PTPRN2: variants seen among roughly 807,000 people sequenced by gnomAD.
PTPRN2 encodes receptor-type tyrosine-protein phosphatase N2.
Under a neutral mutation model 118.8 loss-of-function variants are expected in PTPRN2, and 74 were observed. The ratio of observed to expected loss-of-function variants is 0.62; its 90% CI spans 0.52 to 0.76. PTPRN2 has a LOEUF of 0.76. Among genes scored for constraint, PTPRN2 ranks in the 30% least tolerant of loss-of-function variants. The pLI, the probability that PTPRN2 is intolerant of heterozygous loss-of-function variation, is 0.00. For synonymous variants in PTPRN2, 641 were observed against 608.0 expected (o/e 1.05, Z -0.80); for missense variants, 1,481 against 1,394.4 (o/e 1.06, Z -0.99).
chr7:158,486,450 C>A (rs770256164), intron 2 of PTPRN2, among the ~76,000 whole-genome samples: 3 of 152,214 alleles, frequency 2.0e-5, no homozygotes, highest in East Asian at 3.8e-4. Context: ...TTTAAAAATT[C>A]TTTGAAACCT....
intron 1 of PTPRN2, among the ~76,000 whole-genome samples, chr7:158,515,927 T>C (rs976726450): frequency 6.6e-6 from 1 of 152,204 alleles, no homozygotes; most frequent in African/African-American, 2.4e-5. Context: ...TAGTCCAGTC[T>C]TTCTGGACGT....
chr7:157,736,945 C>T (rs1223066592), intron 12 of PTPRN2, among the ~76,000 whole-genome samples: 1 of 152,102 alleles, frequency 6.6e-6, no homozygotes, highest in Non-Finnish European at 1.5e-5. Context: ...ATGGGGATGA[C>T]ATTTTTAAAG....
intron 12 of PTPRN2, among the ~76,000 whole-genome samples, chr7:157,691,865 C>T (rs544145786): frequency 6.6e-6 from 1 of 152,176 alleles, no homozygotes; most frequent in Non-Finnish European, 1.5e-5. Flanking sequence ...GCACCTCCCC[C>T]CCGCGCCTCC....
rs1182086996 is a variant in PTPRN2, at chr7:158,008,061, TGTGTGGGTGTGCTGTGTGTGG to T, written c.1723+73216_1723+73236del. Among the ~76,000 whole-genome samples, 18 of 137,706 alleles carry T rather than the reference TGTGTGGGTGTGCTGTGTGTGG, an allele frequency of 1.3e-4. 1 individual carries two copies. Among genetic ancestry groups the T allele is most frequent in the Middle Eastern group, 3.8e-3 (1 of 266 alleles). The allele number at this position is 137,706 out of a possible 152,430, so 90.3% of individuals were successfully genotyped here. A position where few individuals can be genotyped will look rare whatever the true frequency, so the allele number is the denominator to read the frequency against. ...TGTGGGTGTGTGTGGAGGTGTGCTG[TGTGTGGGTGTGCTGTGTGTGG>T]GTGTGGGTGTGCTGTGTGTGGGGGT... On this transcript the variant is annotated intron_variant, in intron 11 of 22. Coordinates refer to ENST00000389418, the MANE Select transcript of PTPRN2 (RefSeq NM_002847.5).
intron 12 of PTPRN2, among the ~76,000 whole-genome samples, chr7:157,724,461 C>A (rs1273197644): frequency 6.6e-6 from 1 of 152,132 alleles, no homozygotes; most frequent in Non-Finnish European, 1.5e-5. Context: ...GTATTCAGTT[C>A]TCAGATAAAC....
rs555345811 is a variant in PTPRN2 at position 158,211,046 on chromosome 7, C to T, written c.278-5773G>A. Among the ~76,000 whole-genome samples, 9 of 152,204 alleles carry T rather than the reference C, an allele frequency of 5.9e-5. No individual in the cohort carries two copies. In the South Asian group the frequency reaches 1.9e-3, roughly 32 times the overall value. ...CCCTGATGAATATTGATGCAAAAAT[C>T]GTCAACAATCGTCAACTGTCCTGGG... On this transcript the variant is annotated intron_variant, in intron 3 of 22. Transcript: ENST00000389418.
At chr7:158,065,712 A>G (rs1810721652) in intron 11 of PTPRN2, among the ~76,000 whole-genome samples, 1 of 152,212 alleles carries the variant, frequency 6.6e-6, no homozygotes, top group Admixed American at 6.5e-5. Flanking sequence ...TCATTTTCAG[A>G]ACAGTAAAGT....
rs1409110646 is a variant in PTPRN2 at position 157,792,832 on chromosome 7, A to G, written c.1788+105841T>C. On this transcript the variant is annotated intron_variant, in intron 12 of 22. Transcript: ENST00000389418. ...TTCTTATTCATGAGCTGTACGTTCT[A>G]CAGCGTGGCTGGTCATTTAATGTGT... Among the ~76,000 whole-genome samples, 8 of 152,234 alleles carry G rather than the reference A, an allele frequency of 5.3e-5. No individual in the cohort carries two copies. In the South Asian group the frequency reaches 1.5e-3, roughly 28 times the overall value.
At chr7:158,305,956 C>G (rs190257178) in intron 3 of PTPRN2, among the ~76,000 whole-genome samples, 6 of 152,282 alleles carry the variant, frequency 3.9e-5, no homozygotes. Context: ...AAACCAACAG[C>G]CTGGAAGCCA....
intron 14 of PTPRN2, among the ~76,000 whole-genome samples, chr7:157,624,656 C>G (rs759858289): frequency 6.6e-6 from 1 of 152,190 alleles, no homozygotes; most frequent in African/African-American, 2.4e-5. Context: ...CTATTTAATG[C>G]GTGTTGCTTC....
intron 2 of PTPRN2, among the ~76,000 whole-genome samples, chr7:158,462,602 A>G (rs1419078719): frequency 6.6e-6 from 1 of 152,156 alleles, no homozygotes; most frequent in Non-Finnish European, 1.5e-5. Context: ...CTGCCTTAAA[A>G]CTAAGACAAA....
chr7:157,743,106 G>A (rs1336424568), intron 12 of PTPRN2, among the ~76,000 whole-genome samples: 1 of 152,146 alleles, frequency 6.6e-6, no homozygotes, highest in Non-Finnish European at 1.5e-5. Flanking sequence ...TGTAATGAAC[G>A]GACCACTCAC....
intron 1 of PTPRN2, among the ~76,000 whole-genome samples, chr7:158,537,214 G>A (rs866033698): frequency 6.9e-6 from 1 of 144,350 alleles, no homozygotes; most frequent in East Asian, 2.3e-4. Context: ...TAAGCCCGAG[G>A]CTGCAGCATA....
rs1008283097 is a variant in PTPRN2, at chr7:158,393,023, C to T, written c.164-76091G>A. Reference sequence around the variant, plus strand: ...CCACAGAGAGAAAGGGCTGCACAGGCCCAGCTGCCCAGGCCCCTGTGCCTG... The same window carrying T: ...CCACAGAGAGAAAGGGCTGCACAGGTCCAGCTGCCCAGGCCCCTGTGCCTG... On this transcript the variant is annotated intron_variant, in intron 2 of 22. Coordinates refer to ENST00000389418, the MANE Select transcript of PTPRN2 (RefSeq NM_002847.5). Among the ~76,000 whole-genome samples, 68 of 152,142 alleles carry T rather than the reference C, an allele frequency of 4.5e-4. 1 individual carries two copies. The highest frequency in any genetic ancestry group is 1.6e-3 in the African/African-American group (65 of 41,434).
rs73169785 is a variant in PTPRN2 at position 158,022,173 on chromosome 7, G to A, written c.1723+59125C>T. On this transcript the variant is annotated intron_variant, in intron 11 of 22. Transcript: ENST00000389418. This position sits in a 1 kb window ranked among gnomAD's most constrained non-coding sequence, Gnocchi z 4.6. ...TGTCAGCAGCTTCCACAGACATGGT[G>A]AGAGGAGACATTCAAGGATGAATTT... is the stretch of plus-strand genomic sequence containing the variant. Among the ~76,000 whole-genome samples, 19,944 of 152,186 alleles carry A rather than the reference G, an allele frequency of 0.13. 1,337 individuals carry two copies. The highest frequency in any genetic ancestry group is 0.16 in the Admixed American group (2,476 of 15,292).
At chr7:157,816,499 C>T (rs527972493) in intron 12 of PTPRN2, among the ~76,000 whole-genome samples, 2 of 152,388 alleles carry the variant, frequency 1.3e-5, no homozygotes, top group South Asian at 2.1e-4. Context: ...CAGGACGCTG[C>T]ACTGGATATG....
intron 2 of PTPRN2, among the ~76,000 whole-genome samples, chr7:158,471,738 T>C (rs1222481386): frequency 1.1e-5 from 1 of 93,782 alleles, no homozygotes; most frequent in Non-Finnish European, 2.3e-5. Flanking sequence ...ACAAAATTGA[T>C]TTCAAGCTAA....
intron 13 of PTPRN2, among the ~76,000 whole-genome samples, chr7:157,662,301 T>C (rs574527615): frequency 1.3e-5 from 2 of 152,350 alleles, no homozygotes; most frequent in Admixed American, 6.5e-5. Context: ...CCTACTACGA[T>C]GATTATTAGT....
At chr7:157,549,760 G>A (rs952716353) in intron 21 of PTPRN2, among the ~76,000 whole-genome samples, 1 of 152,220 alleles carries the variant, frequency 6.6e-6, no homozygotes, top group African/African-American at 2.4e-5. Flanking sequence ...TCTCCAGCGT[G>A]TTGCAGTTGA....
Sources: gnomAD v4.1 joint callset for allele counts (sites outside exome capture counted in the v4.1 genomes callset) on GRCh38, gnomAD v4.1.1 for gene constraint, Gnocchi (gnomAD v3.1) non-coding constraint, MANE v1.5 for transcripts, NCBI Gene and HGNC (gene_info 2026-07-23, HGNC 2026-07-21) for gene names.